Variants in PUM3 observed in about 807,000 individuals in gnomAD.
PUM3 encodes pumilio homolog 3.
In PUM3, 91 loss-of-function variants were observed where a neutral mutation model predicts 84.0. That is an observed-to-expected ratio of 1.08 (90% CI 0.91 to 1.29). The LOEUF (loss-of-function observed/expected upper bound fraction) is 1.29. Ranked by LOEUF, PUM3 falls within the 50% of genes most tolerant of loss-of-function variation. The probability of loss-of-function intolerance (pLI) is 0.00; values close to 1 mark genes in which losing one functional copy is unlikely to be tolerated. For missense variants in PUM3, 1,067 were observed against 767.5 expected (o/e 1.39, Z -4.61); for synonymous variants, 321 against 266.7 (o/e 1.20, Z -1.98).
chr9:2,837,461 G>A, intron 2 of PUM3, 60 bp from the exon 3 acceptor site: 2 of 1,117,922 alleles, frequency 1.8e-6, no homozygotes, highest in South Asian at 1.4e-5. Flanking sequence ...TTTATCTATT[G>A]GATTATATCC....
chr9:2,810,567 G>T (rs952276736), intron 15 of PUM3, 136 bp from the exon 16 acceptor site: 1 of 601,252 alleles, frequency 1.7e-6, no homozygotes, highest in Admixed American at 3.3e-5. Context: ...GGCTTAAGAG[G>T]TCTTTATCTA....
chr9:2,831,920 G>C (rs1290588818), intron 5 of PUM3, among the ~76,000 whole-genome samples: 1 of 152,104 alleles, frequency 6.6e-6, no homozygotes, highest in Non-Finnish European at 1.5e-5. Flanking sequence ...ATTTCTAGAA[G>C]AGTTGTTGTG....
chr9:2,832,838 C>T (rs1816021205), intron 5 of PUM3, among the ~76,000 whole-genome samples: 1 of 152,108 alleles, frequency 6.6e-6, no homozygotes, highest in Non-Finnish European at 1.5e-5. Flanking sequence ...TGTATTAATC[C>T]AAATACACAA....
rs1448894043 is a variant in PUM3, at chr9:2,837,806, T to TCTTGAACA, written c.83-413_83-406dup. On this transcript the variant is annotated intron_variant, in intron 2 of 17. Coordinates refer to ENST00000397885, the MANE Select transcript of PUM3 (RefSeq NM_014878.5). ...ACAAAAGAAGTCTTAAGAAATGACT[T>TCTTGAACA]CTTGAACATTCTTGAAATTTGGAAA... Among the ~76,000 whole-genome samples, 3 of 152,174 alleles carry TCTTGAACA rather than the reference T, an allele frequency of 2.0e-5. No homozygotes were observed. The East Asian group carries it at 5.8e-4, about 29-fold the overall frequency.
intron 11 of PUM3, 60 bp from the exon 12 acceptor site, chr9:2,823,894 T>G: frequency 1.3e-6 from 1 of 790,036 alleles, no homozygotes; most frequent in Non-Finnish European, 2.0e-6. Context: ...TATTTTGTAG[T>G]TAAACATTTT....
intron 15 of PUM3, among the ~76,000 whole-genome samples, 171 bp downstream of exon 15, chr9:2,811,190 G>C (rs1031768723): frequency 2.0e-5 from 3 of 152,202 alleles, no homozygotes; most frequent in Admixed American, 1.3e-4. Context: ...CTTTGACCCA[G>C]ATGGTTAGAG....
At chr9:2,820,468 T>C (rs1472924672) in intron 12 of PUM3, among the ~76,000 whole-genome samples, 1 of 151,974 alleles carries the variant, frequency 6.6e-6, no homozygotes, top group African/African-American at 2.4e-5. Context: ...AAAACCTACA[T>C]ATATAAACAC....
Position 2,804,197 on chromosome 9 carries a change from C to A in PUM3, c.*134G>T, listed in dbSNP as rs62534387. ...AAAAAACAATTTATATAAATAGATT[C>A]GTATACAAAGAAGAAACACATATAC... On this transcript the variant is annotated 3_prime_UTR_variant, in exon 18 of 18. Transcript: ENST00000397885. 6 of 778,356 alleles carry A rather than the reference C, an allele frequency of 7.7e-6. No individual in the cohort carries two copies. The South Asian group carries it at 1.1e-4, about 14-fold the overall frequency. The allele number at this position is 778,356 out of a possible 1,614,324, so 48.2% of individuals were successfully genotyped here.
intron 3 of PUM3, among the ~76,000 whole-genome samples, chr9:2,834,421 T>C (rs1816066619): frequency 6.6e-6 from 1 of 152,174 alleles, no homozygotes; most frequent in Admixed American, 6.5e-5. Context: ...ACTAAAAGAA[T>C]TACAAAAGTA....
At chr9:2,812,853 T>C (rs1821400192) in intron 13 of PUM3, among the ~76,000 whole-genome samples, 1 of 152,250 alleles carries the variant, frequency 6.6e-6, no homozygotes, top group Non-Finnish European at 1.5e-5. Context: ...ACTAGGGACA[T>C]CACTTGCTGA....
At chr9:2,823,180 C>T (rs1815711600) in intron 12 of PUM3, among the ~76,000 whole-genome samples, 1 of 152,010 alleles carries the variant, frequency 6.6e-6, no homozygotes, top group African/African-American at 2.4e-5. Context: ...TATTTAATAA[C>T]TAAAAACATA....
At chr9:2,842,750 C>G (rs1212876290) in intron 1 of PUM3, among the ~76,000 whole-genome samples, 1 of 152,166 alleles carries the variant, frequency 6.6e-6, no homozygotes, top group African/African-American at 2.4e-5. Context: ...TCTGATACCT[C>G]TAATTATGTG....
intron 12 of PUM3, among the ~76,000 whole-genome samples, chr9:2,821,142 C>T (rs948606304): frequency 1.3e-5 from 2 of 152,084 alleles, no homozygotes; most frequent in Non-Finnish European, 1.5e-5. Context: ...CAAAGACCAA[C>T]AACCAACTAA....
chr9:2,808,026 C>T, intron 16 of PUM3, 122 bp from the exon 17 acceptor site: 1 of 634,668 alleles, frequency 1.6e-6, no homozygotes, highest in Non-Finnish European at 2.7e-6. Context: ...AAGTAGCTTT[C>T]ACCCAATCTC....
intron 14 of PUM3, 139 bp downstream of exon 14, chr9:2,812,079 CAA>C: frequency 1.3e-6 from 1 of 763,272 alleles, no homozygotes; most frequent in Non-Finnish European, 2.2e-6. Flanking sequence ...TAGAATCTGT[CAA>C]AAATATAGGC....
At chr9:2,804,612 G>C (rs1278007972) in intron 17 of PUM3, 149 bp from the exon 18 acceptor site, 2 of 743,808 alleles carry the variant, frequency 2.7e-6, no homozygotes, top group Non-Finnish European at 4.1e-6. Flanking sequence ...TGAATGATGA[G>C]ACCAGTAGCC....
In PUM3 at chr9:2,811,542, G is replaced by C. The variant is rs760726690; in HGVS notation, c.1454C>G (p.Ser485Cys). 3.1e-6 allele frequency: 5 copies of C among 1,614,014 alleles called. No individual in the cohort carries two copies. In the East Asian group the frequency reaches 1.1e-4, roughly 36 times the overall value. ...GTAGCTTAACAAAGCTGGAGAAATG[G>C]ATTCTAGGAGCTCCCGTCTGCGGAC... ...TEVRRRELLE[S>C]ISPALLSYLQ... Residue 485 changes from serine to cysteine, a missense_variant, in exon 15 of 18, where the codon TCC (serine) becomes TGC (cysteine). Physicochemically the swap from Ser to Cys is moderately radical, Grantham distance 112. Coordinates refer to ENST00000397885, the MANE Select transcript of PUM3 (RefSeq NM_014878.5).
At chr9:2,842,973 A>G (rs750037085) in intron 1 of PUM3, among the ~76,000 whole-genome samples, 2 of 152,144 alleles carry the variant, frequency 1.3e-5, no homozygotes, top group Non-Finnish European at 2.9e-5. Flanking sequence ...ACGCTGAACC[A>G]TAAGTTAGTT....
rs1365974206 is a variant in PUM3 at position 2,837,291 on chromosome 9, C to T, written c.193G>A (p.Val65Ile). The change falls in exon 3 of 18, where the codon GTA (valine) becomes ATA (isoleucine). Residue 65 changes from valine to isoleucine, a missense_variant. By Grantham distance (29) the Val-to-Ile change is conservative (BLOSUM62 3). Coordinates refer to ENST00000397885, the MANE Select transcript of PUM3 (RefSeq NM_014878.5). ...TGCTGCTTATTCTTGAACTGCTTTA[C>T]ACCCTTTTTCCCAAGTTTTGTGATA... ...KSITKLGKKG[V>I]KQFKNKQQGD... 4.3e-6 allele frequency: 7 copies of T among 1,614,074 alleles called. No homozygotes were observed. The highest frequency in any genetic ancestry group is 5.9e-6 in the Non-Finnish European group (7 of 1,179,958).
Sources: allele counts gnomAD v4.1 joint callset (sites outside exome capture counted in the v4.1 genomes callset), GRCh38; gene constraint gnomAD v4.1.1; transcripts MANE v1.5; gene names NCBI Gene and HGNC (gene_info 2026-07-23, HGNC 2026-07-21).